Variants in C7orf78 observed in about 807,000 individuals in gnomAD.
C7orf78 encodes putative uncharacterized protein C7orf78.
chr7:12,513,387 T>C, the C7orf78 span, among the ~76,000 whole-genome samples: 386 of 152,282 alleles, frequency 2.5e-3, 1 homozygote, highest in African/African-American at 9.1e-3. Flanking sequence ...TAGCTGTTTG[T>C]GCTACAAAGT....
chr7:12,489,307 G>A, the C7orf78 span, among the ~76,000 whole-genome samples: 1 of 152,112 alleles, frequency 6.6e-6, no homozygotes, highest in South Asian at 2.1e-4. Context: ...ATTTGCTCAA[G>A]TGTCTTTAAC....
the C7orf78 span, among the ~76,000 whole-genome samples, chr7:12,510,334 G>C: frequency 1.3e-5 from 2 of 152,174 alleles, no homozygotes; most frequent in African/African-American, 4.8e-5. Flanking sequence ...ACAGGCACAT[G>C]CCACCATGCC....
At chr7:12,492,934 G>A in the C7orf78 span, among the ~76,000 whole-genome samples, 3 of 152,224 alleles carry the variant, frequency 2.0e-5, no homozygotes, top group Non-Finnish European at 4.4e-5. Context: ...CTGGTGCGGT[G>A]GCTCATGCCT....
the C7orf78 span, among the ~76,000 whole-genome samples, chr7:12,531,375 C>T: frequency 6.6e-6 from 1 of 152,216 alleles, no homozygotes; most frequent in Admixed American, 6.5e-5. Flanking sequence ...AATGTCATCT[C>T]TGAGAAGTGG....
the C7orf78 span, chr7:12,483,594 G>T: frequency 7.2e-5 from 11 of 152,124 alleles, no homozygotes; most frequent in African/African-American, 2.4e-4. Context: ...CTCAGGCCAG[G>T]TGCGGTGGCT....
At chr7:12,507,736 G>A in the C7orf78 span, among the ~76,000 whole-genome samples, 1 of 152,118 alleles carries the variant, frequency 6.6e-6, no homozygotes, top group South Asian at 2.1e-4. Context: ...ATGTTAAGCT[G>A]CATTTCCAGA....
chr7:12,521,710 C>T, the C7orf78 span, among the ~76,000 whole-genome samples: 1 of 147,962 alleles, frequency 6.8e-6, no homozygotes, highest in Non-Finnish European at 1.5e-5. Flanking sequence ...ACTGCTATCA[C>T]ACTGATCTTT....
At chr7:12,484,141 T>C in the C7orf78 span, 1 of 152,172 alleles carries the variant, frequency 6.6e-6, no homozygotes, top group African/African-American at 2.4e-5. Context: ...CACTGTATGT[T>C]TATTCAAACT....
At chr7:12,492,531 C>A in the C7orf78 span, among the ~76,000 whole-genome samples, 16 of 152,288 alleles carry the variant, frequency 1.1e-4, no homozygotes, top group African/African-American at 3.6e-4. Flanking sequence ...TCATAAGATG[C>A]AAATTGAGTT....
the C7orf78 span, among the ~76,000 whole-genome samples, chr7:12,525,068 C>T: frequency 6.6e-6 from 1 of 151,992 alleles, no homozygotes; most frequent in Non-Finnish European, 1.5e-5. Flanking sequence ...AATTAAAGAG[C>T]GAAAAATCTT....
chr7:12,528,988 G>A, the C7orf78 span: 1 of 398,352 alleles, frequency 2.5e-6, no homozygotes, highest in East Asian at 3.6e-5. Context: ...ATGCACCTGG[G>A]ATTCAAAACT....
chr7:12,500,665 G>C, the C7orf78 span, among the ~76,000 whole-genome samples: 1 of 152,190 alleles, frequency 6.6e-6, no homozygotes, highest in African/African-American at 2.4e-5. Context: ...GGAGGAATTG[G>C]TACAATTCCT....
chr7:12,491,556 C>T, the C7orf78 span: 2 of 151,612 alleles, frequency 1.3e-5, no homozygotes, highest in Admixed American at 6.6e-5. Context: ...GTAGATTACG[C>T]TAAAAATGTG....
At chr7:12,511,264 C>T in the C7orf78 span, among the ~76,000 whole-genome samples, 1 of 152,006 alleles carries the variant, frequency 6.6e-6, no homozygotes, top group East Asian at 1.9e-4. Flanking sequence ...TATACCAATA[C>T]CATGCTATTT....
At chr7:12,486,575 C>T in the C7orf78 span, among the ~76,000 whole-genome samples, 1 of 151,858 alleles carries the variant, frequency 6.6e-6, no homozygotes, top group African/African-American at 2.4e-5. Flanking sequence ...AAGATTGAAG[C>T]CATTAAACAG....
At chr7:12,525,048 T>G in the C7orf78 span, among the ~76,000 whole-genome samples, 1 of 151,326 alleles carries the variant, frequency 6.6e-6, no homozygotes, top group Admixed American at 6.6e-5. Context: ...CTTGGTCTCA[T>G]GTTGTATTCA....
At chr7:12,483,714 A>AG in the C7orf78 span, 8 of 2,702 alleles carry the variant, frequency 3.0e-3, no homozygotes, top group East Asian at 0.19. Context: ...CTAAAACTAC[A>AG]AAAAAAAAAA....
At chr7:12,497,812 C>G in the C7orf78 span, among the ~76,000 whole-genome samples, 1 of 150,894 alleles carries the variant, frequency 6.6e-6, no homozygotes, top group Admixed American at 6.6e-5. Context: ...CAGCAGTAAC[C>G]TCTGCAGACT....
the C7orf78 span, among the ~76,000 whole-genome samples, chr7:12,521,363 C>G: frequency 6.6e-6 from 1 of 151,608 alleles, no homozygotes; most frequent in Non-Finnish European, 1.5e-5. Flanking sequence ...TGATTCCTTT[C>G]TCTTTTTCAT....
Sources: allele counts gnomAD v4.1 joint callset (sites outside exome capture counted in the v4.1 genomes callset), GRCh38; gene constraint gnomAD v4.1.1; transcripts MANE v1.5; gene names NCBI Gene and HGNC (gene_info 2026-07-23, HGNC 2026-07-21).